Variants in TJP3 observed in about 807,000 individuals in gnomAD.
The protein encoded by TJP3 is tight junction protein ZO-3.
Under a neutral mutation model 104.2 loss-of-function variants are expected in TJP3, and 85 were observed. That is an observed-to-expected ratio of 0.82 (90% CI 0.68 to 0.98). The LOEUF (loss-of-function observed/expected upper bound fraction) is 0.98, where lower values mean the gene tolerates loss of function less well. TJP3 is among the 50% of genes least tolerant of loss of function. The pLI, the probability that TJP3 is intolerant of heterozygous loss-of-function variation, is 0.00. For synonymous variants in TJP3, 550 were observed against 550.6 expected (o/e 1.00, Z 0.02); for missense variants, 1,367 against 1,322.8 (o/e 1.03, Z -0.52).
intron 1 of TJP3, among the ~76,000 whole-genome samples, chr19:3,722,931 T>TCCCCTCTG (rs1454514810): frequency 2.7e-4 from 25 of 91,098 alleles, no homozygotes; most frequent in Admixed American, 6.9e-4. Flanking sequence ...ACCGGCCCCG[T>TCCCCTCTG]CCCCTCTGGG....
chr19:3,729,781 CAA>C (rs35091592), intron 3 of TJP3, among the ~76,000 whole-genome samples: 2 of 120,544 alleles, frequency 1.7e-5, no homozygotes, highest in Non-Finnish European at 1.7e-5. Context: ...GACTCTGTCT[CAA>C]AAAAAAAAAA....
Position 3,733,896 on chromosome 19 carries a change from C to T in TJP3, c.861C>T (p.Asp287=). ...TTCCGCCTGCTGTCAGTGACAGCGA[C>T]AGCTCGCCATTGGAGGGTGAGGACC... ...VNIPPAVSDS[D]SSPLEDISDL... Residue 287 remains aspartate, a synonymous_variant, in exon 7 of 21, where the codon GAC becomes GAT. Transcript: ENST00000541714. The T allele has an allele frequency of 2.5e-6, 4 of 1,614,058 alleles. No homozygotes were observed. The highest frequency in any genetic ancestry group is 3.4e-6 in the Non-Finnish European group (4 of 1,179,958).
chr19:3,725,461 C>T (rs1312190939), intron 1 of TJP3, among the ~76,000 whole-genome samples: 1 of 151,958 alleles, frequency 6.6e-6, no homozygotes, highest in Non-Finnish European at 1.5e-5. Flanking sequence ...TGAATGGGTC[C>T]ACATCAAGCG....
chr19:3,724,730 G>A (rs150339388), intron 1 of TJP3, among the ~76,000 whole-genome samples: 2 of 152,100 alleles, frequency 1.3e-5, no homozygotes, highest in South Asian at 4.2e-4. Flanking sequence ...TAGAGATGAG[G>A]GTCTCACTAT....
intron 6 of TJP3, 34 bp from the exon 7 acceptor site, chr19:3,733,719 T>C: frequency 6.2e-7 from 1 of 1,610,632 alleles, no homozygotes. Flanking sequence ...TCTCATTAAC[T>C]CACTTCCGCT....
rs1424009996 is a variant in TJP3, at chr19:3,730,325, G to A, written c.262-30G>A. 3 of 1,497,904 alleles carry A rather than the reference G, an allele frequency of 2.0e-6. No homozygotes were observed. Among genetic ancestry groups the A allele is most frequent in the Non-Finnish European group, 2.7e-6 (3 of 1,120,424 alleles). 92.8% of individuals were successfully genotyped at this position (1,497,904 alleles called of 1,614,324 possible). ...GAGCCTCCCCCAGCCCTTGCCTGTA[G>A]CTGACCCTTCCTGTCCCCTCCTCTA... On this transcript the variant is annotated intron_variant, in intron 4 of 20. Transcript: ENST00000541714. The surrounding 1 kb of genome is among the most constrained non-coding windows in gnomAD (Gnocchi z 7.3).
At chr19:3,732,728 C>T (rs557129036) in intron 6 of TJP3, among the ~76,000 whole-genome samples, 24 of 151,946 alleles carry the variant, frequency 1.6e-4, no homozygotes, top group Non-Finnish European at 2.8e-4. Flanking sequence ...AGGCTGGTCT[C>T]GAACTCCTGA....
At chr19:3,728,296 A>C in intron 1 of TJP3, 128 bp from the exon 2 acceptor site, 1 of 1,426,350 alleles carries the variant, frequency 7.0e-7, no homozygotes, top group East Asian at 2.4e-5. Context: ...TGAGAGAGGT[A>C]GTAACTTGTC....
intron 14 of TJP3, 151 bp downstream of exon 14, chr19:3,740,914 GA>G (rs2036807411): frequency 3.3e-6 from 2 of 606,482 alleles, no homozygotes; most frequent in South Asian, 1.0e-4. Context: ...GCCGAGGTAG[GA>G]GGATCGCTGA....
intron 12 of TJP3, 83 bp downstream of exon 12, chr19:3,738,746 T>C: frequency 7.4e-7 from 1 of 1,358,360 alleles, no homozygotes; most frequent in South Asian, 1.3e-5. Context: ...TGCAGGGATG[T>C]GGTTGAATCT....
intron 1 of TJP3, 71 bp from the exon 2 acceptor site, chr19:3,728,353 G>A (rs745585163): frequency 5.1e-5 from 82 of 1,612,406 alleles, no homozygotes; most frequent in Non-Finnish European, 6.5e-5. Flanking sequence ...CCCACCCTGA[G>A]CTGGGGACCC....
chr19:3,717,303 A>G (rs1356950130), intron 1 of TJP3, among the ~76,000 whole-genome samples: 1 of 137,076 alleles, frequency 7.3e-6, no homozygotes, highest in Non-Finnish European at 1.7e-5. Context: ...GAGTTTCACC[A>G]TGTTGGCCAG....
intron 1 of TJP3, among the ~76,000 whole-genome samples, chr19:3,710,605 T>G (rs946226610): frequency 6.6e-6 from 1 of 152,192 alleles, no homozygotes. Flanking sequence ...CCAGGGGAGC[T>G]GTGTTTGCTC....
intron 6 of TJP3, 27 bp downstream of exon 6, chr19:3,732,065 G>A (rs779513540): frequency 1.3e-6 from 2 of 1,597,178 alleles, no homozygotes; most frequent in South Asian, 2.2e-5. Context: ...TGTCCTGAGA[G>A]CAGGGAGACA....
At chr19:3,750,088 C>T in intron 19 of TJP3, 50 bp from the exon 20 acceptor site, 1 of 1,612,896 alleles carries the variant, frequency 6.2e-7, no homozygotes, top group Non-Finnish European at 8.5e-7. Context: ...GATCTCGACT[C>T]ACCATGCTCT....
chr19:3,713,214 C>G lies in TJP3; in HGVS notation c.-10+4653C>G, dbSNP rs78984051. Reference sequence around the variant, plus strand: ...CAAAGGTCGTTTGGATCTTGGCAACCCACAGACCGGGGCGTCTCCTCCCAC... The same window carrying G: ...CAAAGGTCGTTTGGATCTTGGCAACGCACAGACCGGGGCGTCTCCTCCCAC... On this transcript the variant is annotated intron_variant, in intron 1 of 20. Transcript: ENST00000541714. 4.7e-3 allele frequency among the ~76,000 whole-genome samples: 714 copies of G among 152,260 alleles called. 8 individuals are homozygous for G. The highest frequency in any genetic ancestry group is 0.016 in the African/African-American group (664 of 41,544).
chr19:3,739,845 T>A lies in TJP3; in HGVS notation c.1632-707T>A, dbSNP rs2036789204. On this transcript the variant is annotated intron_variant, in intron 13 of 20. Transcript: ENST00000541714. The stretch of plus-strand genomic sequence containing the variant: ...CAGCCTCTTCTAGTCTCTCTCTGAC[T>A]CTCACCCTCCCGCCTCTTCTTGTGA... 2.0e-5 allele frequency among the ~76,000 whole-genome samples: 3 copies of A among 152,012 alleles called. No individual in the cohort carries two copies. In the South Asian group the frequency reaches 6.2e-4, roughly 32 times the overall value.
chr19:3,739,037 C>G lies in TJP3; in HGVS notation c.1534C>G (p.Pro512Ala), dbSNP rs1383285902. 3.7e-6 allele frequency: 6 copies of G among 1,611,736 alleles called. No homozygotes were observed. Among genetic ancestry groups the G allele is most frequent in the Non-Finnish European group, 5.1e-6 (6 of 1,179,100 alleles). The change falls in exon 13 of 21, where the codon CCC (proline) becomes GCC (alanine). Residue 512 changes from proline (P) to alanine (A), a missense_variant. Physicochemically the swap from Pro to Ala is conservative, Grantham distance 27. Coordinates refer to ENST00000541714, the MANE Select transcript of TJP3 (RefSeq NM_001267560.2). ...CGTGCTGGACACGCTGCACCCCGGC[C>G]CCGGGCAGAGCCACGCACGAGGAGG... Reference protein sequence around the residue: ...FHVLDTLHPGPGQSHARGGHW... With the variant: ...FHVLDTLHPGAGQSHARGGHW...
Position 3,746,688 on chromosome 19 carries a change from C to G in TJP3, c.2214C>G (p.Leu738=), listed in dbSNP as rs776404906. 9.3e-6 allele frequency: 15 copies of G among 1,611,200 alleles called. No individual in the cohort carries two copies. In the Admixed American group the frequency reaches 2.4e-4, roughly 25 times the overall value. Reference sequence around the variant, plus strand: ...AGCTGCGAAAACACAGCAGCCACCTCTTCACAGGTTGGGGGGTGGGTGTCC... The same window carrying G: ...AGCTGCGAAAACACAGCAGCCACCTGTTCACAGGTTGGGGGGTGGGTGTCC... ...AQKLRKHSSH[L]FTATIPLNGT... is the part of the protein sequence containing the mutation. Residue 738 remains leucine (L), a synonymous_variant, in exon 17 of 21, where the codon CTC becomes CTG. Transcript: ENST00000541714. This position sits in a 1 kb window ranked among gnomAD's most constrained non-coding sequence, Gnocchi z 4.1.
Sources: gnomAD v4.1 joint callset for allele counts (sites outside exome capture counted in the v4.1 genomes callset) on GRCh38, gnomAD v4.1.1 for gene constraint, Gnocchi (gnomAD v3.1) non-coding constraint, MANE v1.5 for transcripts, NCBI Gene and HGNC (gene_info 2026-07-23, HGNC 2026-07-21) for gene names.